Variants in COPS7B observed in about 807,000 individuals in gnomAD.
COPS7B encodes the protein COP9 signalosome complex subunit 7b.
A neutral mutation model predicts 33.4 loss-of-function variants in COPS7B; 9 were observed. The ratio of observed to expected loss-of-function variants is 0.27; its 90% CI spans 0.16 to 0.47. COPS7B has a LOEUF of 0.47. Ranked by LOEUF, COPS7B falls within the 20% of genes least tolerant of loss-of-function variation. COPS7B has a pLI of 0.99. For synonymous variants in COPS7B, 119 were observed against 126.3 expected (o/e 0.94, Z 0.39); for missense variants, 242 against 318.2 (o/e 0.76, Z 1.82).
intron 5 of COPS7B, among the ~76,000 whole-genome samples, chr2:231,798,601 A>G (rs1009685975): frequency 6.6e-6 from 1 of 152,148 alleles, no homozygotes; most frequent in South Asian, 2.1e-4. Context: ...ATCTTCCATG[A>G]GATACAAAGT....
At chr2:231,789,084 A>G (rs776842314) in intron 2 of COPS7B, 19 of 206,358 alleles carry the variant, frequency 9.2e-5, no homozygotes, top group Non-Finnish European at 1.7e-4. Context: ...CAATATCGAT[A>G]AGGAAGATTG....
chr2:231,808,488 GC>G lies in COPS7B; in HGVS notation c.*844del. ...CCAAGATCTTTAACTCCTCCTGGCT[GC>G]ACCTGGGTAGGGATGGTGGCATCGA... On this transcript the variant is annotated 3_prime_UTR_variant, in exon 7 of 7. Transcript: ENST00000350033. 1 of 471,530 alleles carries G rather than the reference GC, an allele frequency of 2.1e-6. No individual in the cohort carries two copies. Among genetic ancestry groups the G allele is most frequent in the Non-Finnish European group, 4.4e-6 (1 of 227,114 alleles). The allele number at this position is 471,530 out of a possible 1,614,324, so 29.2% of individuals were successfully genotyped here. A position where few individuals can be genotyped will look rare whatever the true frequency, so the allele number is the denominator to read the frequency against.
chr2:231,782,769 C>A (rs2049159043), upstream of COPS7B, among the ~76,000 whole-genome samples: 1 of 151,952 alleles, frequency 6.6e-6, no homozygotes, highest in Non-Finnish European at 1.5e-5. Flanking sequence ...TTGCAGCTGG[C>A]AAAACTTTAA....
chr2:231,805,058 G>C (rs937962904), intron 6 of COPS7B, among the ~76,000 whole-genome samples: 9 of 152,124 alleles, frequency 5.9e-5, no homozygotes, highest in African/African-American at 2.2e-4. Context: ...CCTTAGCTGG[G>C]CATGATAGTA....
chr2:231,799,773 G>A (rs1574672570), intron 6 of COPS7B, among the ~76,000 whole-genome samples: 1 of 152,188 alleles, frequency 6.6e-6, no homozygotes. Flanking sequence ...AAAATCAGGT[G>A]TCTAAGAGTG....
At chr2:231,781,737 A>T (rs2049136078), upstream of COPS7B, 1 of 1,188,808 alleles carries the variant, frequency 8.4e-7, no homozygotes, top group Non-Finnish European at 1.2e-6. Flanking sequence ...GTGTGCGCAA[A>T]TTCACAAACC....
chr2:231,791,631 C>T, intron 2 of COPS7B, 102 bp from the exon 3 acceptor site: 2 of 940,896 alleles, frequency 2.1e-6, no homozygotes, highest in Non-Finnish European at 1.7e-6. Context: ...ACAGAATAAA[C>T]AGCCATGGCA....
At chr2:231,804,173 A>T (rs1464282982) in intron 6 of COPS7B, among the ~76,000 whole-genome samples, 1 of 152,176 alleles carries the variant, frequency 6.6e-6, no homozygotes, top group African/African-American at 2.4e-5. Context: ...TTCCTTACTC[A>T]TGCAGGGGTT....
intron 3 of COPS7B, among the ~76,000 whole-genome samples, chr2:231,793,325 A>G (rs1417821754): frequency 6.6e-6 from 1 of 152,210 alleles, no homozygotes; most frequent in Non-Finnish European, 1.5e-5. Flanking sequence ...ACAGGTTAGA[A>G]ATTCCCACCA....
intron 3 of COPS7B, 35 bp downstream of exon 3, chr2:231,791,843 TA>T: frequency 6.4e-7 from 1 of 1,562,008 alleles, no homozygotes; most frequent in Non-Finnish European, 8.8e-7. Flanking sequence ...AGACTTGTGT[TA>T]ATTATGTTGC....
At chr2:231,792,190 CT>C (rs1305079911) in intron 3 of COPS7B, 4 of 449,370 alleles carry the variant, frequency 8.9e-6, no homozygotes. Context: ...GGAAAATAGA[CT>C]TTTTAAAAGT....
upstream of COPS7B, among the ~76,000 whole-genome samples, chr2:231,782,098 C>T (rs950314831): frequency 4.6e-5 from 7 of 152,118 alleles, no homozygotes; most frequent in Non-Finnish European, 8.8e-5. Flanking sequence ...CCTGTTGTTA[C>T]GTATGAGGAA....
Position 231,794,318 on chromosome 2 carries a change from T to G in COPS7B, c.294T>G (p.His98Gln). The G allele has an allele frequency of 6.2e-7, 1 of 1,614,080 alleles. No homozygotes were observed. The highest frequency in any genetic ancestry group is 8.5e-7 in the Non-Finnish European group (1 of 1,179,988). Residue 98 changes from histidine to glutamine, a missense_variant, in exon 4 of 7, where the codon CAT becomes CAG. By Grantham distance (24) the His-to-Gln change is conservative (BLOSUM62 0). Coordinates refer to ENST00000350033, the MANE Select transcript of COPS7B (RefSeq NM_022730.4). ...CAGCTCAGCAGAACAAGCTGAAGCA[T>G]CTTACCATCGTGAGCTTGGCATCAA... ...LSTAQQNKLK[H>Q]LTIVSLASRM...
chr2:231,801,331 A>G, intron 6 of COPS7B: 3 of 1,482,036 alleles, frequency 2.0e-6, no homozygotes, highest in Non-Finnish European at 2.7e-6. Context: ...GTTCCAGCAT[A>G]CCTGGGGGAC....
chr2:231,790,889 C>T (rs949425221), intron 2 of COPS7B: 1 of 152,412 alleles, frequency 6.6e-6, no homozygotes, highest in Non-Finnish European at 1.5e-5. Flanking sequence ...CAGGCGCCCG[C>T]CACCGCGCCC....
At position 231,808,798 on chromosome 2, in the gene COPS7B, GGTGTGTGTGTGTGTGT is replaced by G. The variant is rs543816090; in HGVS notation, c.*1182_*1197del. On this transcript the variant is annotated 3_prime_UTR_variant, in exon 7 of 7. Coordinates refer to ENST00000350033, the MANE Select transcript of COPS7B (RefSeq NM_022730.4). Reference sequence around the variant, plus strand: ...TGGTTGGAGGGTGGGGGTGGGGTGGGGTGTGTGTGTGTGTGTGTGTGTGTGTGTGTGTGTGTGTGTG... The same window carrying G: ...TGGTTGGAGGGTGGGGGTGGGGTGGGGTGTGTGTGTGTGTGTGTGTGTGTG... The G allele has an allele frequency of 2.0e-4, 15 of 75,802 alleles. No individual in the cohort carries two copies. Among genetic ancestry groups the G allele is most frequent in the South Asian group, 7.7e-4 (2 of 2,584 alleles). 4.7% of individuals were successfully genotyped at this position (75,802 alleles called of 1,614,324 possible). A position where few individuals can be genotyped will look rare whatever the true frequency, so the allele number is the denominator to read the frequency against.
At chr2:231,804,771 A>G (rs888281593) in intron 6 of COPS7B, among the ~76,000 whole-genome samples, 12 of 152,168 alleles carry the variant, frequency 7.9e-5, no homozygotes, top group Non-Finnish European at 1.5e-4. Context: ...CTAATGTCTT[A>G]TTTGATTAAA....
intron 5 of COPS7B, among the ~76,000 whole-genome samples, chr2:231,796,938 A>C (rs538510344): frequency 2.6e-5 from 4 of 152,182 alleles, no homozygotes; most frequent in Non-Finnish European, 5.9e-5. Context: ...GTTTTAATGG[A>C]ATTTGATATT....
At chr2:231,805,413 T>TTATATA (rs72268376) in intron 6 of COPS7B, among the ~76,000 whole-genome samples, 6 of 131,454 alleles carry the variant, frequency 4.6e-5, no homozygotes, top group Non-Finnish European at 9.6e-5. Context: ...TCCCTGTTTA[T>TTATATA]TATATATATA....
Sources: allele counts gnomAD v4.1 joint callset (sites outside exome capture counted in the v4.1 genomes callset), GRCh38; gene constraint gnomAD v4.1.1; transcripts MANE v1.5; gene names NCBI Gene and HGNC (gene_info 2026-07-23, HGNC 2026-07-21).